Variants in ZCCHC7 observed in about 807,000 individuals in gnomAD.
The protein encoded by ZCCHC7 is zinc finger CCHC-type containing 7, also known as zinc finger CCHC domain-containing protein 7.
ZCCHC7 carries 35 observed loss-of-function variants against 52.0 expected under a neutral mutation model. That is an observed-to-expected ratio of 0.67 (90% confidence interval 0.51 to 0.89). The LOEUF is 0.89. Among genes scored for constraint, ZCCHC7 ranks in the 40% least tolerant of loss-of-function variants. The probability of loss-of-function intolerance (pLI) is 0.00; values close to 1 mark genes in which losing one functional copy is unlikely to be tolerated. For missense variants in ZCCHC7, 574 were observed against 649.1 expected, an observed-to-expected ratio of 0.88 and a Z score of 1.26; for synonymous variants, 217 against 221.5, an observed-to-expected ratio of 0.98 and a Z score of 0.18.
chr9:37,278,703 CAG>C (rs1395051639), intron 2 of ZCCHC7, among the ~76,000 whole-genome samples: 1 of 152,002 alleles, frequency 6.6e-6, no homozygotes, highest in South Asian at 2.1e-4. Flanking sequence ...TAAATAGTAA[CAG>C]AAAGGAATAA....
At chr9:37,147,846 A>T (rs1843501432) in intron 2 of ZCCHC7, among the ~76,000 whole-genome samples, 1 of 152,050 alleles carries the variant, frequency 6.6e-6, no homozygotes, top group Non-Finnish European at 1.5e-5. Context: ...TTAGCATTGC[A>T]TTTTTAAAAA....
intron 1 of ZCCHC7, among the ~76,000 whole-genome samples, chr9:37,125,480 G>A (rs971002598): frequency 6.6e-6 from 1 of 152,134 alleles, no homozygotes; most frequent in Non-Finnish European, 1.5e-5. Flanking sequence ...TATTCTTTTG[G>A]CCAATGATCA....
At chr9:37,308,099 A>G (rs1254988344) in intron 5 of ZCCHC7, among the ~76,000 whole-genome samples, 1 of 152,110 alleles carries the variant, frequency 6.6e-6, no homozygotes, top group East Asian at 1.9e-4. Context: ...TTTAATTTGT[A>G]TTTCTTTGGT....
chr9:37,299,930 AT>A (rs1423381127), intron 2 of ZCCHC7, among the ~76,000 whole-genome samples: 1 of 152,186 alleles, frequency 6.6e-6, no homozygotes, highest in Non-Finnish European at 1.5e-5. Context: ...CCAAAAATGG[AT>A]TGAAAATACA....
intron 2 of ZCCHC7, among the ~76,000 whole-genome samples, chr9:37,269,550 T>G (rs1588582110): frequency 7.5e-6 from 1 of 132,984 alleles, no homozygotes; most frequent in Non-Finnish European, 1.5e-5. Context: ...ACTGGGGAGA[T>G]CGAGACTGCA....
chr9:37,281,287 A>G lies in ZCCHC7; in HGVS notation c.611-20901A>G, dbSNP rs527750071. On this transcript the variant is annotated intron_variant, in intron 2 of 8. Transcript: ENST00000336755. ...TGCCTCGGCCTCCCACAGTGCTGGGATTACAGGCATGAGCCACCACACCTG... is the reference window on the plus strand; with the variant it reads ...TGCCTCGGCCTCCCACAGTGCTGGGGTTACAGGCATGAGCCACCACACCTG... Among the ~76,000 whole-genome samples the G allele has an allele frequency of 2.6e-5, 4 of 152,300 alleles. No individual in the cohort carries two copies. The South Asian group carries it at 6.2e-4, about 24-fold the overall frequency.
At chr9:37,142,739 G>A (rs1588369781) in intron 2 of ZCCHC7, among the ~76,000 whole-genome samples, 1 of 151,554 alleles carries the variant, frequency 6.6e-6, no homozygotes, top group South Asian at 2.1e-4. Flanking sequence ...TCCTTTTAAA[G>A]TATTTTAAAA....
intron 2 of ZCCHC7, among the ~76,000 whole-genome samples, chr9:37,262,047 T>G (rs1826890466): frequency 6.6e-6 from 1 of 152,092 alleles, no homozygotes; most frequent in African/African-American, 2.4e-5. Context: ...AAGTTCCCAT[T>G]TTTATACTTT....
intron 2 of ZCCHC7, among the ~76,000 whole-genome samples, chr9:37,247,018 A>G (rs1000197482): frequency 6.6e-6 from 1 of 152,178 alleles, no homozygotes; most frequent in Non-Finnish European, 1.5e-5. Flanking sequence ...TGTACAACAG[A>G]TATCTTTAAC....
intron 2 of ZCCHC7, among the ~76,000 whole-genome samples, chr9:37,288,293 A>AATCT (rs1246778353): frequency 8.6e-5 from 13 of 150,834 alleles, no homozygotes; most frequent in South Asian, 8.4e-4. Context: ...AAAAAAAAAA[A>AATCT]ATCTATCTAT....
At chr9:37,160,125 A>G (rs1342335327) in intron 2 of ZCCHC7, 3 of 152,202 alleles carry the variant, frequency 2.0e-5, no homozygotes, top group African/African-American at 7.2e-5. Flanking sequence ...ACTTACAAGA[A>G]CGTTGCAGCT....
intron 2 of ZCCHC7, among the ~76,000 whole-genome samples, chr9:37,291,920 C>G (rs1405193654): frequency 1.3e-5 from 2 of 152,110 alleles, no homozygotes; most frequent in Non-Finnish European, 2.9e-5. Flanking sequence ...CTCGAACTCC[C>G]GACCTCAGGT....
Position 37,305,760 on chromosome 9 carries a change from G to A in ZCCHC7, c.951+46G>A, listed in dbSNP as rs367817397. ...TAATTTGTCAGGCTTTGGAGGGAGT[G>A]TGCAAGTTTGTAATTAATGTGCAAG... is the stretch of plus-strand genomic sequence containing the variant. On this transcript the variant is annotated intron_variant, in intron 5 of 8. Transcript: ENST00000336755. 35 of 1,598,700 alleles carry A rather than the reference G, an allele frequency of 2.2e-5. No individual in the cohort carries two copies. The African/African-American group carries it at 3.2e-4, about 15-fold the overall frequency.
intron 6 of ZCCHC7, among the ~76,000 whole-genome samples, chr9:37,346,855 G>T (rs1439345039): frequency 2.6e-5 from 4 of 152,004 alleles, no homozygotes; most frequent in Non-Finnish European, 5.9e-5. Context: ...AAGTAGCCAG[G>T]CGTAGTGGTG....
intron 2 of ZCCHC7, among the ~76,000 whole-genome samples, chr9:37,298,540 C>T (rs943339838): frequency 2.6e-5 from 4 of 152,046 alleles, no homozygotes; most frequent in Non-Finnish European, 4.4e-5. Flanking sequence ...TAGTACATAA[C>T]GTATAATTCC....
At chr9:37,258,912 G>A (rs1047512618) in intron 2 of ZCCHC7, among the ~76,000 whole-genome samples, 1 of 152,010 alleles carries the variant, frequency 6.6e-6, no homozygotes, top group Non-Finnish European at 1.5e-5. Context: ...TAGCACAGAA[G>A]TTAAAGAAAA....
intron 2 of ZCCHC7, among the ~76,000 whole-genome samples, chr9:37,269,142 G>C (rs1032729026): frequency 3.3e-5 from 5 of 152,238 alleles, no homozygotes; most frequent in Admixed American, 3.3e-4. Context: ...TGGCTTGAAA[G>C]AGTGTGAGAG....
chr9:37,223,096 A>C (rs1824911650), intron 2 of ZCCHC7, among the ~76,000 whole-genome samples: 1 of 152,182 alleles, frequency 6.6e-6, no homozygotes, highest in Admixed American at 6.5e-5. Flanking sequence ...AAAAGTCTTA[A>C]ATGTGGCTAC....
At chr9:37,299,239 G>A (rs1236528186) in intron 2 of ZCCHC7, among the ~76,000 whole-genome samples, 8 of 152,198 alleles carry the variant, frequency 5.3e-5, no homozygotes, top group African/African-American at 1.4e-4. Context: ...TTCCTGGGCC[G>A]TATGGAAAGT....
Sources: allele counts gnomAD v4.1 joint callset (sites outside exome capture counted in the v4.1 genomes callset), GRCh38; gene constraint gnomAD v4.1.1; transcripts MANE v1.5; gene names NCBI Gene and HGNC (gene_info 2026-07-23, HGNC 2026-07-21).